PHLDB2: variants seen among roughly 807,000 people sequenced by gnomAD.
PHLDB2 encodes pleckstrin homology-like domain family B member 2.
In PHLDB2, 71 loss-of-function variants were observed where a neutral mutation model predicts 123.6. That is an observed-to-expected ratio of 0.57 (90% CI 0.47 to 0.70). The LOEUF (loss-of-function observed/expected upper bound fraction) is 0.70, where lower values mean the gene tolerates loss of function less well. Among genes scored for constraint, PHLDB2 ranks in the 30% least tolerant of loss-of-function variants. The probability of loss-of-function intolerance (pLI) is 0.00; values close to 1 mark genes in which losing one functional copy is unlikely to be tolerated. For missense variants in PHLDB2, 1,446 were observed against 1,519.5 expected, an observed-to-expected ratio of 0.95 and a Z score of 0.80; for synonymous variants, 547 against 541.6, an observed-to-expected ratio of 1.01 and a Z score of -0.14.
At chr3:111,815,393 A>T (rs970052360) in intron 1 of PHLDB2, among the ~76,000 whole-genome samples, 1 of 152,160 alleles carries the variant, frequency 6.6e-6, no homozygotes, top group Non-Finnish European at 1.5e-5. Context: ...CTCCCTAGAG[A>T]CTTACTGAAT....
intron 1 of PHLDB2, among the ~76,000 whole-genome samples, chr3:111,820,052 T>C (rs9288930): frequency 0.48 from 72,653 of 152,036 alleles, 18,046 homozygotes; most frequent in Middle Eastern, 0.72. Context: ...ATCCTTGCCC[T>C]AGTGGCTTGA....
At chr3:111,881,286 C>T (rs367850220) in intron 1 of PHLDB2, among the ~76,000 whole-genome samples, 1 of 152,162 alleles carries the variant, frequency 6.6e-6, no homozygotes, top group Non-Finnish European at 1.5e-5. Flanking sequence ...TTTTTTCTTG[C>T]AATGTTGTGA....
upstream of PHLDB2, among the ~76,000 whole-genome samples, chr3:111,855,754 T>C (rs1395151988): frequency 2.0e-5 from 3 of 148,638 alleles, no homozygotes; most frequent in African/African-American, 2.5e-5. Flanking sequence ...CTCAGCCTCC[T>C]GAGTAGCTGG....
chr3:111,884,775 A>G lies in PHLDB2; in HGVS notation c.698A>G (p.Asn233Ser), dbSNP rs1414208877. ...LTRHKELASE[N>S]INLRTRKYSS... ...AGACACAAGGAGCTTGCATCTGAAA[A>G]CATCAATTTGAGAACTAGGAAGTAC... The change falls in exon 2 of 18, where the codon AAC (asparagine) becomes AGC (serine). Residue 233 changes from asparagine (N) to serine (S), a missense_variant. By Grantham distance (46) the Asn-to-Ser change is conservative. Transcript: ENST00000431670. The G allele has an allele frequency of 6.2e-7, 1 of 1,614,086 alleles. No homozygotes were observed. Among genetic ancestry groups the G allele is most frequent in the Non-Finnish European group, 8.5e-7 (1 of 1,180,012 alleles).
rs1156733425 is a variant in PHLDB2, at chr3:111,949,196, A to AG, written c.2631+125dup. ...GACAAATGTATATCTGTTTGGCCAG[A>AG]GGGGTAGGGTAAGGCTGAGTTTATA... On this transcript the variant is annotated intron_variant, in intron 10 of 17. Coordinates refer to ENST00000431670, the MANE Select transcript of PHLDB2 (RefSeq NM_001134438.2). 15 of 1,163,320 alleles carry AG rather than the reference A, an allele frequency of 1.3e-5. No individual in the cohort carries two copies. The Admixed American group carries it at 1.6e-4, about 12-fold the overall frequency. The allele number at this position is 1,163,320 out of a possible 1,614,324, so 72.1% of individuals were successfully genotyped here.
intron 1 of PHLDB2, among the ~76,000 whole-genome samples, chr3:111,762,770 C>T (rs1266560545): frequency 1.3e-5 from 2 of 152,048 alleles, no homozygotes; most frequent in African/African-American, 4.8e-5. Context: ...TAATCTTTCT[C>T]TTTTTTTTCT....
chr3:111,757,758 A>G (rs902385570), intron 1 of PHLDB2, among the ~76,000 whole-genome samples: 1 of 152,026 alleles, frequency 6.6e-6, no homozygotes, highest in Non-Finnish European at 1.5e-5. Flanking sequence ...TTTGGTGTGG[A>G]TGTCCTTTCT....
chr3:111,965,290 G>A (rs1004951738), intron 13 of PHLDB2, among the ~76,000 whole-genome samples: 1 of 152,196 alleles, frequency 6.6e-6, no homozygotes, highest in African/African-American at 2.4e-5. Context: ...TCTGCAAAGT[G>A]CAGCCTAATT....
chr3:111,963,666 A>AT (rs933952582), intron 13 of PHLDB2, among the ~76,000 whole-genome samples: 5 of 152,144 alleles, frequency 3.3e-5, no homozygotes, highest in African/African-American at 9.7e-5. Context: ...TCCTACAAAT[A>AT]TTTTTTTGTG....
intron 1 of PHLDB2, among the ~76,000 whole-genome samples, chr3:111,880,715 G>T (rs1027198902): frequency 1.3e-5 from 2 of 149,884 alleles, no homozygotes; most frequent in South Asian, 4.2e-4. Flanking sequence ...AATTTTTTCT[G>T]CGTTAAAAAC....
intron 2 of PHLDB2, among the ~76,000 whole-genome samples, chr3:111,900,423 C>T (rs1052654062): frequency 1.3e-5 from 2 of 152,142 alleles, no homozygotes; most frequent in African/African-American, 4.8e-5. Context: ...CACTTAGAGG[C>T]TATCAAAAGG....
At chr3:111,818,951 G>A (rs541588120) in intron 1 of PHLDB2, among the ~76,000 whole-genome samples, 1 of 152,198 alleles carries the variant, frequency 6.6e-6, no homozygotes, top group African/African-American at 2.4e-5. Flanking sequence ...AAAACAAAAT[G>A]TCATCAATTG....
chr3:111,756,201 G>T (rs1184037442), intron 1 of PHLDB2, among the ~76,000 whole-genome samples: 1 of 151,554 alleles, frequency 6.6e-6, no homozygotes, highest in Non-Finnish European at 1.5e-5. Context: ...TCAATTCCTG[G>T]GTATCCTTGT....
intron 1 of PHLDB2, among the ~76,000 whole-genome samples, chr3:111,737,931 G>A (rs2059537972): frequency 6.6e-6 from 1 of 152,080 alleles, no homozygotes; most frequent in Non-Finnish European, 1.5e-5. Flanking sequence ...GAAAACTTGT[G>A]GTTAGTATGT....
At chr3:111,785,664 A>G (rs1576594631) in intron 1 of PHLDB2, among the ~76,000 whole-genome samples, 1 of 152,122 alleles carries the variant, frequency 6.6e-6, no homozygotes, top group African/African-American at 2.4e-5. Flanking sequence ...AGCATTAGAG[A>G]GGCAAACACA....
chr3:111,952,519 AC>A, intron 10 of PHLDB2, 52 bp from the exon 11 acceptor site: 1 of 1,557,530 alleles, frequency 6.4e-7, no homozygotes, highest in Non-Finnish European at 8.6e-7. Flanking sequence ...TTCTTCAGTC[AC>A]CTATTACAGT....
intron 1 of PHLDB2, among the ~76,000 whole-genome samples, chr3:111,785,957 T>C (rs370389183): frequency 6.6e-5 from 10 of 152,334 alleles, no homozygotes; most frequent in Admixed American, 3.9e-4. Flanking sequence ...GGTAGATTCA[T>C]TCTGTGTAGT....
intron 1 of PHLDB2, among the ~76,000 whole-genome samples, chr3:111,878,564 C>G (rs1024190429): frequency 2.0e-5 from 3 of 152,070 alleles, no homozygotes; most frequent in African/African-American, 7.2e-5. Context: ...GCCTGATTGC[C>G]CTGGCCAGAA....
At chr3:111,780,279 AG>A (rs1204907746) in intron 1 of PHLDB2, among the ~76,000 whole-genome samples, 3 of 2,738 alleles carry the variant, frequency 1.1e-3, no homozygotes, top group Non-Finnish European at 2.8e-3. Context: ...GAAAAGAAGA[AG>A]AAGAAGAAGA....
Sources: gnomAD v4.1 joint callset for allele counts (sites outside exome capture counted in the v4.1 genomes callset) on GRCh38, gnomAD v4.1.1 for gene constraint, MANE v1.5 for transcripts, NCBI Gene and HGNC (gene_info 2026-07-23, HGNC 2026-07-21) for gene names.